EGFR: variants seen among roughly 807,000 people sequenced by gnomAD.
EGFR encodes the protein avian erythroblastic leukemia viral (v-erb-b) oncogene homolog.
In EGFR, 58 loss-of-function variants were observed where a neutral mutation model predicts 143.0. That is an observed-to-expected ratio of 0.41 (90% CI 0.33 to 0.50). The LOEUF is 0.50. Ranked by LOEUF, EGFR falls within the 20% of genes least tolerant of loss-of-function variation. EGFR has a pLI of 0.39. For missense variants in EGFR, 1,307 were observed against 1,579.0 expected (o/e 0.83, Z 2.92); for synonymous variants, 613 against 594.4 (o/e 1.03, Z -0.45).
At chr7:55,178,340 G>C (rs980751437) in intron 19 of EGFR, among the ~76,000 whole-genome samples, 1 of 152,188 alleles carries the variant, frequency 6.6e-6, no homozygotes, top group African/African-American at 2.4e-5. Context: ...TTAAATTTAG[G>C]GTAGGCAATG....
intron 25 of EGFR, 38 bp from the exon 26 acceptor site, chr7:55,201,697 C>T (rs1320127692): frequency 6.2e-7 from 1 of 1,613,332 alleles, no homozygotes. Flanking sequence ...AGATGTGGTA[C>T]AAGCATTCCA....
At chr7:55,143,613 A>T in intron 3 of EGFR, 125 bp downstream of exon 3, 1 of 1,051,466 alleles carries the variant, frequency 9.5e-7, no homozygotes, top group Non-Finnish European at 1.4e-6. Flanking sequence ...GTACACGTGC[A>T]CTGAGTGCCG....
chr7:55,151,884 C>G (rs557607018), intron 5 of EGFR, among the ~76,000 whole-genome samples: 1,765 of 152,202 alleles, frequency 0.012, 33 homozygotes, highest in African/African-American at 0.04. Context: ...AAAACAACAA[C>G]AACAACAACA....
intron 1 of EGFR, among the ~76,000 whole-genome samples, chr7:55,115,193 A>G (rs1792761829): frequency 1.3e-5 from 2 of 152,206 alleles, no homozygotes; most frequent in Admixed American, 1.3e-4. Context: ...GTATGGCTTC[A>G]AAAAATACCA....
At chr7:55,192,008 CTG>C in intron 21 of EGFR, 134 bp downstream of exon 21, 2 of 1,359,800 alleles carry the variant, frequency 1.5e-6, no homozygotes, top group Non-Finnish European at 2.0e-6. Flanking sequence ...GCAGCAGCTG[CTG>C]CTGGCAGCTG....
intron 19 of EGFR, among the ~76,000 whole-genome samples, chr7:55,178,729 C>A (rs1210910555): frequency 6.6e-6 from 1 of 152,208 alleles, no homozygotes; most frequent in African/African-American, 2.4e-5. Flanking sequence ...TATTAAATAT[C>A]TCCTCTCTTC....
intron 1 of EGFR, among the ~76,000 whole-genome samples, chr7:55,044,637 A>G (rs1033674142): frequency 6.6e-6 from 1 of 152,218 alleles, no homozygotes; most frequent in Non-Finnish European, 1.5e-5. Context: ...CAGGTGACCA[A>G]GGGTCTTGTT....
intron 2 of EGFR, among the ~76,000 whole-genome samples, chr7:55,142,823 C>G (rs549073048): frequency 6.0e-4 from 92 of 152,286 alleles, no homozygotes; most frequent in Non-Finnish European, 1.0e-3. Context: ...CCAAGTTTCA[C>G]TCAGCTGGTC....
At chr7:55,053,161 C>A (rs1170649309) in intron 1 of EGFR, among the ~76,000 whole-genome samples, 5 of 152,150 alleles carry the variant, frequency 3.3e-5, no homozygotes, top group Non-Finnish European at 7.3e-5. Flanking sequence ...GCACATTCTT[C>A]GGGACAGACT....
At chr7:55,043,064 T>C (rs532744524) in intron 1 of EGFR, among the ~76,000 whole-genome samples, 1 of 152,276 alleles carries the variant, frequency 6.6e-6, no homozygotes, top group South Asian at 2.1e-4. Context: ...TTAATGACTG[T>C]CTGCTATGTT....
intron 16 of EGFR, 142 bp downstream of exon 16, chr7:55,171,355 G>T (rs887408112): frequency 8.2e-7 from 1 of 1,214,650 alleles, no homozygotes; most frequent in African/African-American, 1.5e-5. Flanking sequence ...CCTCAGCCAG[G>T]GTTTCTGCAG....
intron 1 of EGFR, among the ~76,000 whole-genome samples, chr7:55,137,683 G>T (rs1016917447): frequency 1.3e-5 from 2 of 152,200 alleles, no homozygotes; most frequent in Non-Finnish European, 2.9e-5. Context: ...CACAACAACA[G>T]AGATGAACCT....
chr7:55,101,686 G>A (rs188536503), intron 1 of EGFR, among the ~76,000 whole-genome samples: 3 of 152,316 alleles, frequency 2.0e-5, no homozygotes, highest in Non-Finnish European at 4.4e-5. Flanking sequence ...GCATTTAGGA[G>A]TAACAAGTCT....
At chr7:55,128,307 A>AG (rs1235340961) in intron 1 of EGFR, among the ~76,000 whole-genome samples, 2 of 152,246 alleles carry the variant, frequency 1.3e-5, no homozygotes, top group Non-Finnish European at 2.9e-5. Context: ...TTTATTACTG[A>AG]GAGTTAAAGA....
At chr7:55,110,816 C>A (rs929113790) in intron 1 of EGFR, among the ~76,000 whole-genome samples, 1 of 152,300 alleles carries the variant, frequency 6.6e-6, no homozygotes. Context: ...GACCAGCTGG[C>A]CCCTGGCAGA....
chr7:55,039,848 G>T (rs7784148), intron 1 of EGFR, among the ~76,000 whole-genome samples: 2 of 152,142 alleles, frequency 1.3e-5, no homozygotes, highest in African/African-American at 4.8e-5. Context: ...ATGAGGGAGC[G>T]CTGGGGAGAG....
intron 1 of EGFR, among the ~76,000 whole-genome samples, chr7:55,107,048 T>C (rs896007801): frequency 6.6e-5 from 10 of 152,142 alleles, no homozygotes; most frequent in African/African-American, 2.2e-4. Flanking sequence ...GTTTTGCCCA[T>C]AAATAAATAT....
At chr7:55,044,985 A>T (rs1204832717) in intron 1 of EGFR, among the ~76,000 whole-genome samples, 18 of 152,326 alleles carry the variant, frequency 1.2e-4, no homozygotes, top group Non-Finnish European at 2.4e-4. Flanking sequence ...CCTGATGCAG[A>T]CATTCCGGCC....
intron 1 of EGFR, among the ~76,000 whole-genome samples, chr7:55,124,815 G>C (rs1231850139): frequency 1.3e-5 from 2 of 152,118 alleles, no homozygotes; most frequent in African/African-American, 4.8e-5. Context: ...ATACTCACTC[G>C]AACATTCCCG....
Sources: gnomAD v4.1 joint callset for allele counts (sites outside exome capture counted in the v4.1 genomes callset) on GRCh38, gnomAD v4.1.1 for gene constraint, MANE v1.5 for transcripts, NCBI Gene and HGNC (gene_info 2026-07-23, HGNC 2026-07-21) for gene names.